Variants in DENND2C observed in about 807,000 individuals in gnomAD.
DENND2C encodes the protein DENN domain-containing protein 2C.
A neutral mutation model predicts 112.4 loss-of-function variants in DENND2C; 72 were observed. That is an observed-to-expected ratio of 0.64 (90% CI 0.53 to 0.78). The LOEUF is 0.78. Among genes scored for constraint, DENND2C ranks in the 30% least tolerant of loss-of-function variants. The probability of loss-of-function intolerance (pLI) is 0.00; values close to 1 mark genes in which losing one functional copy is unlikely to be tolerated. For synonymous variants in DENND2C, 329 were observed against 381.6 expected (o/e 0.86, Z 1.61); for missense variants, 992 against 1,113.8 (o/e 0.89, Z 1.56).
intron 1 of DENND2C, among the ~76,000 whole-genome samples, chr1:114,659,560 C>T (rs2101697081): frequency 6.6e-6 from 1 of 152,164 alleles, no homozygotes; most frequent in South Asian, 2.1e-4. Flanking sequence ...ATACAGTAGC[C>T]AGATATAGAC....
intron 20 of DENND2C, 135 bp from the exon 21 acceptor site, chr1:114,585,766 G>GT (rs975341677): frequency 7.1e-6 from 6 of 844,394 alleles, no homozygotes; most frequent in Non-Finnish European, 1.1e-5. Flanking sequence ...CAGTTGATGT[G>GT]TTTAACCCCC....
chr1:114,623,764 CTCAGTCT>C, intron 4 of DENND2C, 121 bp from the exon 5 acceptor site: 1 of 911,286 alleles, frequency 1.1e-6, no homozygotes, highest in Non-Finnish European at 1.5e-6. Flanking sequence ...GAGACAGAAT[CTCAGTCT>C]GTTGCATAGG....
intron 3 of DENND2C, among the ~76,000 whole-genome samples, chr1:114,628,715 G>A (rs1656411891): frequency 6.6e-6 from 1 of 152,108 alleles, no homozygotes; most frequent in South Asian, 2.1e-4. Context: ...AATAAGAGTT[G>A]CTCACTTCAG....
intron 14 of DENND2C, among the ~76,000 whole-genome samples, 186 bp from the exon 15 acceptor site, chr1:114,600,538 G>A (rs1655472263): frequency 6.6e-6 from 1 of 152,092 alleles, no homozygotes; most frequent in Admixed American, 6.6e-5. Context: ...TCAAGATCCT[G>A]TATTCCTTCT....
Position 114,594,579 on chromosome 1 carries a change from C to T in DENND2C, c.2326-1G>A. 2 of 1,609,104 alleles carry T rather than the reference C, an allele frequency of 1.2e-6. No individual in the cohort carries two copies. Among genetic ancestry groups the T allele is most frequent in the Non-Finnish European group, 1.7e-6 (2 of 1,177,918 alleles). On this transcript the variant is annotated splice_acceptor_variant, in intron 17 of 20. Coordinates refer to ENST00000393274, the MANE Select transcript of DENND2C (RefSeq NM_001256404.2). LOFTEE classifies it high-confidence loss of function. ...GTAGAATTTCATCCTCATCAGATAC[C>T]TTAAGAAGAAAAAAAAATGGAGATT...
intron 3 of DENND2C, among the ~76,000 whole-genome samples, chr1:114,633,119 T>G (rs565425688): frequency 1.3e-5 from 2 of 152,286 alleles, no homozygotes; most frequent in African/African-American, 4.8e-5. Flanking sequence ...TGTATGGTGT[T>G]GTAAGTTTCT....
Position 114,645,440 on chromosome 1 carries a change from A to C in DENND2C, c.-205+8T>G, listed in dbSNP as rs1372087221. 2 of 152,204 alleles carry C rather than the reference A, an allele frequency of 1.3e-5. No homozygotes were observed. The highest frequency in any genetic ancestry group is 2.9e-5 in the Non-Finnish European group (2 of 68,034). 9.4% of individuals were successfully genotyped at this position (152,204 alleles called of 1,614,324 possible). ...GAGCCAAGGAAACAGGCCTCACAAG[A>C]AACTTACCCTGTTGGCACCTTGATG... On this transcript the variant is annotated splice_region_variant and intron_variant, in intron 3 of 20. Transcript: ENST00000393274.
intron 2 of DENND2C, among the ~76,000 whole-genome samples, chr1:114,647,021 G>A (rs1231170299): frequency 2.0e-5 from 3 of 152,054 alleles, no homozygotes; most frequent in African/African-American, 7.2e-5. Context: ...TAAGCTGGAC[G>A]TGGTGGTGCA....
intron 3 of DENND2C, among the ~76,000 whole-genome samples, chr1:114,635,642 G>C (rs1309096741): frequency 1.3e-5 from 2 of 152,142 alleles, no homozygotes; most frequent in African/African-American, 4.8e-5. Flanking sequence ...AGGTAACTGG[G>C]CAAAAAACTT....
chr1:114,631,880 T>C (rs1240589245), intron 3 of DENND2C, among the ~76,000 whole-genome samples: 7 of 152,118 alleles, frequency 4.6e-5, no homozygotes, highest in Admixed American at 3.3e-4. Context: ...GGACTTCAAT[T>C]CAGCTATTAT....
intron 3 of DENND2C, among the ~76,000 whole-genome samples, chr1:114,643,681 T>G (rs986138427): frequency 6.6e-6 from 1 of 152,190 alleles, no homozygotes; most frequent in South Asian, 2.1e-4. Context: ...TAACACATAA[T>G]ATAAATTTCT....
intron 3 of DENND2C, among the ~76,000 whole-genome samples, chr1:114,634,749 C>T (rs895465842): frequency 6.6e-6 from 1 of 151,820 alleles, no homozygotes; most frequent in Non-Finnish European, 1.5e-5. Flanking sequence ...GGAACACGGC[C>T]GGGCATGGTG....
chr1:114,637,324 G>A (rs1193933804), intron 3 of DENND2C, among the ~76,000 whole-genome samples: 1 of 147,248 alleles, frequency 6.8e-6, no homozygotes, highest in African/African-American at 2.5e-5. Flanking sequence ...AGCCAAGATC[G>A]TGCTACTGTA....
At chr1:114,621,745 A>G in intron 7 of DENND2C, 150 bp downstream of exon 7, 2 of 1,108,934 alleles carry the variant, frequency 1.8e-6, no homozygotes, top group South Asian at 3.3e-5. Flanking sequence ...TAGCATGAGC[A>G]AAAATTTAAA....
rs554692181 is a variant in DENND2C at position 114,584,828 on chromosome 1, A to G, written c.*772T>C. On this transcript the variant is annotated 3_prime_UTR_variant, in exon 21 of 21. Transcript: ENST00000393274. ...GCTATGTTGCCCAGGCTAGTCTCAA[A>G]CTCCCACCCTCAAACTCCTGCCTTA... 4.6e-5 allele frequency: 7 copies of G among 152,054 alleles called. No homozygotes were observed. The East Asian group carries it at 1.4e-3, about 29-fold the overall frequency. 9.4% of individuals were successfully genotyped at this position (152,054 alleles called of 1,614,324 possible). A position where few individuals can be genotyped will look rare whatever the true frequency, so the allele number is the denominator to read the frequency against.
chr1:114,630,257 G>A (rs1363424502), intron 3 of DENND2C, among the ~76,000 whole-genome samples: 5 of 151,684 alleles, frequency 3.3e-5, no homozygotes, highest in African/African-American at 1.2e-4. Flanking sequence ...TCAGTGAGCC[G>A]AGATCGCGCC....
chr1:114,649,934 G>GT (rs1239772401), intron 2 of DENND2C, among the ~76,000 whole-genome samples: 1 of 152,158 alleles, frequency 6.6e-6, no homozygotes, highest in Non-Finnish European at 1.5e-5. Context: ...ACATTTTGGT[G>GT]TATCTTCTGT....
intron 19 of DENND2C, 85 bp downstream of exon 19, chr1:114,587,631 T>A: frequency 7.0e-7 from 1 of 1,436,588 alleles, no homozygotes; most frequent in Non-Finnish European, 9.5e-7. Context: ...CCCTTGTCGC[T>A]TTACAATACT....
intron 8 of DENND2C, among the ~76,000 whole-genome samples, chr1:114,613,158 A>C (rs535673501): frequency 6.6e-6 from 1 of 152,364 alleles, no homozygotes; most frequent in Non-Finnish European, 1.5e-5. Context: ...TAGCTAAATA[A>C]AATTTTACAT....
Sources: gnomAD v4.1 joint callset for allele counts (sites outside exome capture counted in the v4.1 genomes callset) on GRCh38, gnomAD v4.1.1 for gene constraint, MANE v1.5 for transcripts, NCBI Gene and HGNC (gene_info 2026-07-23, HGNC 2026-07-21) for gene names.